The following FRMD1 variants were observed in gnomAD, a reference collection of about 807,000 sequenced individuals.
FRMD1 encodes FERM domain containing 1, also known as FERM domain-containing protein 1.
FRMD1 carries 51 observed loss-of-function variants against 54.9 expected under a neutral mutation model. The ratio of observed to expected loss-of-function variants is 0.93; its 90% CI spans 0.74 to 1.17. FRMD1 has a LOEUF of 1.17. Ranked by LOEUF, FRMD1 falls within the 50% of genes most tolerant of loss-of-function variation. FRMD1 has a pLI of 0.00. For synonymous variants in FRMD1, 324 were observed against 306.4 expected (o/e 1.06, Z -0.60); for missense variants, 729 against 743.0 (o/e 0.98, Z 0.22).
intron 2 of FRMD1, among the ~76,000 whole-genome samples, chr6:168,070,771 G>A (rs1282439844): frequency 6.6e-6 from 1 of 152,196 alleles, no homozygotes; most frequent in East Asian, 1.9e-4. Flanking sequence ...TCAGGAGTGT[G>A]CGTGCGCGTC....
At chr6:168,063,781 C>A (rs1338249188) in intron 5 of FRMD1, 25 bp from the exon 6 acceptor site, 4 of 1,587,516 alleles carry the variant, frequency 2.5e-6, no homozygotes, top group Middle Eastern at 3.3e-4. Flanking sequence ...GGGAGGTCAG[C>A]TCAGACCCCT....
Position 168,062,879 on chromosome 6 carries a change from A to C in FRMD1, c.870+15T>G. On this transcript the variant is annotated intron_variant, in intron 7 of 10. Coordinates refer to ENST00000283309, the MANE Select transcript of FRMD1 (RefSeq NM_024919.6). Reference sequence around the variant, plus strand: ...AGGACGAGGGGCTCTGTGAGGCTGGAGCCCCTTCGGTCACCTGGTAGATGT... The same window carrying C: ...AGGACGAGGGGCTCTGTGAGGCTGGCGCCCCTTCGGTCACCTGGTAGATGT... The C allele has an allele frequency of 6.2e-7, 1 of 1,612,742 alleles. No individual in the cohort carries two copies. Among genetic ancestry groups the C allele is most frequent in the Non-Finnish European group, 8.5e-7 (1 of 1,178,868 alleles).
chr6:168,082,156 T>C (rs116455358), upstream of FRMD1, among the ~76,000 whole-genome samples: 2,272 of 152,168 alleles, frequency 0.015, 58 homozygotes, highest in African/African-American at 0.051. Flanking sequence ...GCTGCCCACC[T>C]CTCCTCCACG....
chr6:168,066,839 G>A lies in FRMD1; in HGVS notation c.385-8C>T. ...TCTGGGTTTCTCATTTCCCTAGTGG[G>A]GAAAATGCAAGAAAGAGCAAGTGAG... is the stretch of plus-strand genomic sequence containing the variant. On this transcript the variant is annotated splice_region_variant and splice_polypyrimidine_tract_variant and intron_variant, in intron 3 of 10. Coordinates refer to ENST00000283309, the MANE Select transcript of FRMD1 (RefSeq NM_024919.6). 6.2e-7 allele frequency: 1 copy of A among 1,610,998 alleles called. No homozygotes were observed. Among genetic ancestry groups the A allele is most frequent in the South Asian group, 1.1e-5 (1 of 90,210 alleles).
chr6:168,075,690 G>A lies in FRMD1; in HGVS notation c.214-355C>T, dbSNP rs770906227. The A allele has an allele frequency of 7.7e-6, 11 of 1,423,818 alleles. No homozygotes were observed. The Admixed American group carries it at 7.9e-5, about 10-fold the overall frequency. 88.2% of individuals were successfully genotyped at this position (1,423,818 alleles called of 1,614,324 possible). A position where few individuals can be genotyped will look rare whatever the true frequency, so the allele number is the denominator to read the frequency against. Reference sequence around the variant, plus strand: ...GCCCTCTGGGCTCTGTCCTCGCACGGCACAAATGAATGCTTGGTTCCCCAT... The same window carrying A: ...GCCCTCTGGGCTCTGTCCTCGCACGACACAAATGAATGCTTGGTTCCCCAT... On this transcript the variant is annotated intron_variant, in intron 1 of 10. Transcript: ENST00000283309.
chr6:168,063,136 A>G (rs1174359415), intron 6 of FRMD1, among the ~76,000 whole-genome samples, 177 bp from the exon 7 acceptor site: 1 of 152,212 alleles, frequency 6.6e-6, no homozygotes, highest in Non-Finnish European at 1.5e-5. Context: ...TAGTTGTCAT[A>G]GCACAAGCAC....
At chr6:168,082,299 C>G (rs994810924), upstream of FRMD1, among the ~76,000 whole-genome samples, 4 of 152,224 alleles carry the variant, frequency 2.6e-5, no homozygotes, top group African/African-American at 9.6e-5. Flanking sequence ...GCTCAGAGGC[C>G]AAGCTGCTCA....
intron 4 of FRMD1, chr6:168,066,451 T>C (rs527328290): frequency 8.0e-6 from 6 of 746,188 alleles, no homozygotes; most frequent in African/African-American, 5.6e-5. Flanking sequence ...TGAGTCGAGA[T>C]TGTGCCATTG....
upstream of FRMD1, chr6:168,081,282 A>C (rs138601044): frequency 7.1e-7 from 1 of 1,408,682 alleles, no homozygotes; most frequent in Admixed American, 2.3e-5. Flanking sequence ...CAGCTCATCA[A>C]GAAGACAACT....
chr6:168,059,761 C>T lies in FRMD1; in HGVS notation c.1343-573G>A, dbSNP rs570924471. Among the ~76,000 whole-genome samples the T allele has an allele frequency of 1.4e-3, 218 of 152,190 alleles. 1 individual carries two copies. Among genetic ancestry groups the T allele is most frequent in the South Asian group, 6.4e-3 (31 of 4,812 alleles). ...CCTCATACACAGGGACTGGGCTGGA[C>T]GCATCCCTCAGGACAGGGTGCTGCA... On this transcript the variant is annotated intron_variant, in intron 9 of 10. Transcript: ENST00000283309. The surrounding 1 kb of genome is among the most constrained non-coding windows in gnomAD (Gnocchi z 4.4).
At position 168,061,806 on chromosome 6, in the gene FRMD1, C is replaced by A. The variant is rs528706073; in HGVS notation, c.1045+1G>T. Reference sequence around the variant, plus strand: ...GCCCAGCATACCCAGCCCAGCCCCACCTTCTGCCTCCTCCCGCTGCCGCAG... The same window carrying A: ...GCCCAGCATACCCAGCCCAGCCCCAACTTCTGCCTCCTCCCGCTGCCGCAG... On this transcript the variant is annotated splice_donor_variant, in intron 8 of 10. Coordinates refer to ENST00000283309, the MANE Select transcript of FRMD1 (RefSeq NM_024919.6). LOFTEE classifies it high-confidence loss of function. 27 of 1,550,638 alleles carry A rather than the reference C, an allele frequency of 1.7e-5. No homozygotes were observed. Among genetic ancestry groups the A allele is most frequent in the Non-Finnish European group, 2.2e-5 (25 of 1,148,842 alleles).
At chr6:168,089,714 C>T (rs922827668) in intron 1 of FRMD1, among the ~76,000 whole-genome samples, 19 of 152,162 alleles carry the variant, frequency 1.2e-4, no homozygotes, top group Admixed American at 4.6e-4. Flanking sequence ...CAGCGGGGAG[C>T]GGAAAATCGA....
Position 168,064,922 on chromosome 6 carries a change from C to G in FRMD1, c.597G>C (p.Glu199Asp). The G allele has an allele frequency of 1.2e-6, 2 of 1,605,666 alleles. No homozygotes were observed. Among genetic ancestry groups the G allele is most frequent in the Non-Finnish European group, 1.7e-6 (2 of 1,176,768 alleles). The change falls in exon 5 of 11, where the codon GAG becomes GAC. Residue 199 changes from glutamate to aspartate, a missense_variant. Coordinates refer to ENST00000283309, the MANE Select transcript of FRMD1 (RefSeq NM_024919.6). ...CGAAGTACCTCCCGGCATGGGCCGACTCCCGGTGCTCGCCCAGGTCAGCCT... is the reference window on the plus strand; with the variant it reads ...CGAAGTACCTCCCGGCATGGGCCGAGTCCCGGTGCTCGCCCAGGTCAGCCT... ...ALQADLGEHRESAHAGRYFEP... is the reference protein window; with the variant it reads ...ALQADLGEHRDSAHAGRYFEP...
chr6:168,090,092 C>T (rs1800990047), intron 1 of FRMD1, among the ~76,000 whole-genome samples: 1 of 152,142 alleles, frequency 6.6e-6, no homozygotes, highest in South Asian at 2.1e-4. Context: ...ACCCCCAGAA[C>T]CCACCCAGCC....
intron 2 of FRMD1, 147 bp from the exon 3 acceptor site, chr6:168,067,593 T>C (rs1800109005): frequency 1.7e-6 from 1 of 596,246 alleles, no homozygotes; most frequent in South Asian, 2.3e-5. Flanking sequence ...GGGGCTTTCC[T>C]TGGCTGACAA....
At chr6:168,078,766 AGGGCCC>A in intron 1 of FRMD1, 110 bp downstream of exon 1, 8 of 78,374 alleles carry the variant, frequency 1.0e-4, no homozygotes, top group East Asian at 2.2e-4. Context: ...AAGGCCATCC[AGGGCCC>A]TGCTCACCCC....
intron 1 of FRMD1, among the ~76,000 whole-genome samples, chr6:168,089,374 C>G (rs754919576): frequency 6.6e-6 from 1 of 152,214 alleles, no homozygotes; most frequent in Non-Finnish European, 1.5e-5. Flanking sequence ...CTCTAAGGCC[C>G]GTGGCCCTGG....
rs755357423 is a variant in FRMD1 at position 168,079,122 on chromosome 6, A to G, written c.-28T>C. 6.4e-6 allele frequency: 10 copies of G among 1,568,220 alleles called. No individual in the cohort carries two copies. The highest frequency in any genetic ancestry group is 2.3e-5 in the East Asian group (1 of 44,256). ...TGTCGTTACTCGGCCCTCCCCCGCCATGGGTCGCAGGTGGGTGCTCAGCAC... is the reference window on the plus strand; with the variant it reads ...TGTCGTTACTCGGCCCTCCCCCGCCGTGGGTCGCAGGTGGGTGCTCAGCAC... On this transcript the variant is annotated 5_prime_UTR_variant, in exon 1 of 11. An upstream start codon of the reference 5' UTR is lost. Coordinates refer to ENST00000283309, the MANE Select transcript of FRMD1 (RefSeq NM_024919.6).
chr6:168,065,318 C>T, intron 4 of FRMD1: 2 of 1,268,286 alleles, frequency 1.6e-6, no homozygotes, highest in Non-Finnish European at 2.0e-6. Flanking sequence ...GGTCCCACTC[C>T]TTCCCCAGTG....
Sources: allele counts gnomAD v4.1 joint callset (sites outside exome capture counted in the v4.1 genomes callset), GRCh38; gene constraint gnomAD v4.1.1; non-coding constraint Gnocchi (gnomAD v3.1); transcripts MANE v1.5; gene names NCBI Gene and HGNC (gene_info 2026-07-23, HGNC 2026-07-21).